The following ASIC2 variants were observed in gnomAD, a reference collection of about 807,000 sequenced individuals.
ASIC2 encodes the protein acid sensing ion channel subunit 2, also known as acid-sensing ion channel 2.
ASIC2 carries 25 observed loss-of-function variants against 57.3 expected under a neutral mutation model. The observed-to-expected ratio is 0.44, with a 90% confidence interval of 0.32 to 0.61. The LOEUF (loss-of-function observed/expected upper bound fraction) is 0.61. Among genes scored for constraint, ASIC2 ranks in the 20% least tolerant of loss-of-function variants. The pLI is 0.06. For synonymous variants in ASIC2, 319 were observed against 307.5 expected, an observed-to-expected ratio of 1.04 and a Z score of -0.39; for missense variants, 641 against 738.1, an observed-to-expected ratio of 0.87 and a Z score of 1.52.
chr17:33,449,281 T>C (rs1912156386), intron 1 of ASIC2, among the ~76,000 whole-genome samples: 1 of 152,004 alleles, frequency 6.6e-6, no homozygotes, highest in Non-Finnish European at 1.5e-5. Flanking sequence ...GCTTCCTTCC[T>C]CCCCTCTAGC....
intron 1 of ASIC2, among the ~76,000 whole-genome samples, chr17:33,342,354 G>T (rs962251495): frequency 3.4e-5 from 5 of 146,876 alleles, no homozygotes; most frequent in Non-Finnish European, 7.5e-5. Flanking sequence ...GTGTGTACGT[G>T]TGTGTGTGTG....
At chr17:33,470,530 G>T (rs1232700533) in intron 1 of ASIC2, among the ~76,000 whole-genome samples, 1 of 152,132 alleles carries the variant, frequency 6.6e-6, no homozygotes, top group African/African-American at 2.4e-5. Context: ...CTGATTCAGG[G>T]GTCTGGAGTG....
intron 1 of ASIC2, among the ~76,000 whole-genome samples, chr17:33,257,757 A>G (rs1309717828): frequency 1.3e-5 from 2 of 152,212 alleles, no homozygotes; most frequent in Admixed American, 6.5e-5. Flanking sequence ...TACAACAGCA[A>G]TGACAACCAC....
intron 1 of ASIC2, among the ~76,000 whole-genome samples, chr17:33,545,812 G>A (rs2141972615): frequency 6.6e-6 from 1 of 152,188 alleles, no homozygotes; most frequent in South Asian, 2.1e-4. Flanking sequence ...AAAGAATAAA[G>A]TACAACCTCC....
intron 1 of ASIC2, among the ~76,000 whole-genome samples, chr17:34,007,282 A>G (rs1346831091): frequency 2.6e-5 from 4 of 152,218 alleles, no homozygotes; most frequent in Admixed American, 2.6e-4. Context: ...GTGCCCCGTC[A>G]GGGAGCCTTT....
intron 1 of ASIC2, among the ~76,000 whole-genome samples, chr17:33,817,830 G>A (rs1912632501): frequency 6.6e-6 from 1 of 152,190 alleles, no homozygotes; most frequent in Non-Finnish European, 1.5e-5. Context: ...GGGGCAGCTT[G>A]AAGCCTGGGG....
chr17:33,562,120 T>C (rs1916090851), intron 1 of ASIC2, among the ~76,000 whole-genome samples: 1 of 152,192 alleles, frequency 6.6e-6, no homozygotes, highest in Admixed American at 6.5e-5. Flanking sequence ...AAGACTCAGC[T>C]CAAAGGCCGC....
intron 1 of ASIC2, among the ~76,000 whole-genome samples, chr17:33,352,439 C>A (rs1272213585): frequency 6.6e-6 from 1 of 152,190 alleles, no homozygotes; most frequent in African/African-American, 2.4e-5. Context: ...GCTTGCACCT[C>A]TTACTAATGA....
intron 3 of ASIC2, among the ~76,000 whole-genome samples, chr17:33,082,702 AAAT>A (rs1269824221): frequency 6.8e-5 from 1 of 14,800 alleles, no homozygotes; most frequent in Non-Finnish European, 1.3e-4. Context: ...CTGTCTCCAA[AAAT>A]AAATAAATAA....
chr17:33,334,437 T>A (rs320633), intron 1 of ASIC2, among the ~76,000 whole-genome samples: 125,245 of 152,132 alleles, frequency 0.82, 51,631 homozygotes, highest in East Asian at 1. Flanking sequence ...TGCAGCGGCT[T>A]CAGGTGTGGG....
intron 1 of ASIC2, chr17:34,071,757 T>C (rs1191284871): frequency 1.3e-5 from 2 of 151,564 alleles, no homozygotes; most frequent in African/African-American, 2.4e-5. Context: ...TTGAACCAGG[T>C]AGATGGAGGT....
chr17:34,084,360 T>G (rs201823407), intron 1 of ASIC2, among the ~76,000 whole-genome samples: 92 of 151,212 alleles, frequency 6.1e-4, no homozygotes, highest in African/African-American at 2.1e-3. Context: ...GTTGTAGATA[T>G]GCAGCGTTAT....
At chr17:33,906,408 C>G (rs1056792715) in intron 1 of ASIC2, among the ~76,000 whole-genome samples, 8 of 152,192 alleles carry the variant, frequency 5.3e-5, no homozygotes, top group Non-Finnish European at 8.8e-5. Context: ...CCCCAGCAAA[C>G]CTTGGGCCTA....
chr17:33,733,531 A>G (rs1054418122), intron 1 of ASIC2, among the ~76,000 whole-genome samples: 1 of 152,196 alleles, frequency 6.6e-6, no homozygotes, highest in Non-Finnish European at 1.5e-5. Flanking sequence ...TCATGTGCAT[A>G]CATTCCTCTC....
chr17:33,363,249 G>A (rs1346324714), intron 1 of ASIC2, among the ~76,000 whole-genome samples: 1 of 152,176 alleles, frequency 6.6e-6, no homozygotes, highest in East Asian at 1.9e-4. Context: ...ACCAGGGGCA[G>A]GGGGAAGAGC....
chr17:33,363,377 G>T (rs1908685094), intron 1 of ASIC2, among the ~76,000 whole-genome samples: 1 of 152,194 alleles, frequency 6.6e-6, no homozygotes, highest in Non-Finnish European at 1.5e-5. Context: ...GGTGGAATAA[G>T]AGGCAGTGAC....
At chr17:33,537,830 A>G (rs905942149) in intron 1 of ASIC2, among the ~76,000 whole-genome samples, 1 of 152,210 alleles carries the variant, frequency 6.6e-6, no homozygotes, top group Non-Finnish European at 1.5e-5. Context: ...TCAGGTCAGT[A>G]TCTGTCAATG....
intron 1 of ASIC2, among the ~76,000 whole-genome samples, chr17:34,029,253 A>T (rs1907494544): frequency 6.6e-6 from 1 of 152,220 alleles, no homozygotes; most frequent in Non-Finnish European, 1.5e-5. Context: ...CTGTGAAGAT[A>T]AGGATTTTTG....
intron 1 of ASIC2, among the ~76,000 whole-genome samples, chr17:33,714,303 C>A (rs7212300): frequency 6.6e-6 from 1 of 152,000 alleles, no homozygotes; most frequent in Admixed American, 6.6e-5. Flanking sequence ...TGTAAAAGAA[C>A]GTTCATTGCA....
Sources: allele counts gnomAD v4.1 joint callset (sites outside exome capture counted in the v4.1 genomes callset), GRCh38; gene constraint gnomAD v4.1.1; transcripts MANE v1.5; gene names NCBI Gene and HGNC (gene_info 2026-07-23, HGNC 2026-07-21).